Variants in EGFLAM observed in about 807,000 individuals in gnomAD.
EGFLAM encodes pikachurin.
EGFLAM carries 79 observed loss-of-function variants against 113.1 expected under a neutral mutation model. That is an observed-to-expected ratio of 0.70 (90% CI 0.58 to 0.84). The LOEUF is 0.84. EGFLAM is among the 40% of genes least tolerant of loss of function. The probability of loss-of-function intolerance (pLI) is 0.00; values close to 1 mark genes in which losing one functional copy is unlikely to be tolerated. For missense variants in EGFLAM, 1,265 were observed against 1,291.6 expected, an observed-to-expected ratio of 0.98 and a Z score of 0.32; for synonymous variants, 504 against 487.6, an observed-to-expected ratio of 1.03 and a Z score of -0.44.
intron 16 of EGFLAM, among the ~76,000 whole-genome samples, chr5:38,437,236 G>A (rs994388396): frequency 2.3e-4 from 35 of 152,194 alleles, no homozygotes; most frequent in Middle Eastern, 3.2e-3. Flanking sequence ...AATGCGACCT[G>A]TGTTTCACTT....
chr5:38,332,355 G>C (rs1180710663), intron 1 of EGFLAM, among the ~76,000 whole-genome samples: 1 of 152,092 alleles, frequency 6.6e-6, no homozygotes, highest in Non-Finnish European at 1.5e-5. Flanking sequence ...TGCCATGGGA[G>C]TTTGTTGTAC....
intron 1 of EGFLAM, among the ~76,000 whole-genome samples, chr5:38,260,589 A>G (rs1250319157): frequency 1.3e-5 from 2 of 152,214 alleles, no homozygotes; most frequent in Non-Finnish European, 1.5e-5. Flanking sequence ...GGGTTTTGAT[A>G]GTGGAAACAC....
intron 12 of EGFLAM, among the ~76,000 whole-genome samples, chr5:38,423,047 C>G (rs1741885656): frequency 1.3e-5 from 2 of 152,248 alleles, no homozygotes; most frequent in African/African-American, 4.8e-5. Flanking sequence ...TGGGTATTTC[C>G]ACAGTCACCT....
At chr5:38,335,685 G>C (rs57152394) in intron 1 of EGFLAM, among the ~76,000 whole-genome samples, 5 of 152,300 alleles carry the variant, frequency 3.3e-5, no homozygotes, top group African/African-American at 9.6e-5. Flanking sequence ...ACAATCGTAG[G>C]TGTATATGGG....
intron 12 of EGFLAM, among the ~76,000 whole-genome samples, chr5:38,420,405 C>CAG (rs1741785181): frequency 6.6e-6 from 1 of 152,166 alleles, no homozygotes; most frequent in Admixed American, 6.6e-5. Context: ...TGTGATGATT[C>CAG]AGAACATAAG....
intron 14 of EGFLAM, among the ~76,000 whole-genome samples, chr5:38,430,901 G>A (rs1054093522): frequency 1.3e-5 from 2 of 152,186 alleles, no homozygotes; most frequent in Non-Finnish European, 1.5e-5. Flanking sequence ...GAGCACTGAT[G>A]TTCAAGGCTA....
chr5:38,275,055 G>A (rs1490272797), intron 1 of EGFLAM, among the ~76,000 whole-genome samples: 2 of 152,002 alleles, frequency 1.3e-5, no homozygotes, highest in Non-Finnish European at 2.9e-5. Context: ...TTTTCTGTAA[G>A]ACTCGTGGTA....
intron 6 of EGFLAM, among the ~76,000 whole-genome samples, chr5:38,404,829 ATGCAGG>A (rs1741228774): frequency 6.6e-6 from 1 of 152,142 alleles, no homozygotes; most frequent in Non-Finnish European, 1.5e-5. Flanking sequence ...CTGTGAGGAC[ATGCAGG>A]TGCCCTGGAG....
intron 17 of EGFLAM, among the ~76,000 whole-genome samples, chr5:38,442,722 A>G (rs1403914942): frequency 6.6e-6 from 1 of 152,032 alleles, no homozygotes; most frequent in Non-Finnish European, 1.5e-5. Flanking sequence ...TAATAGCACA[A>G]TTCTAAGATG....
chr5:38,355,962 G>C (rs981335042), intron 5 of EGFLAM, among the ~76,000 whole-genome samples: 10 of 152,098 alleles, frequency 6.6e-5, no homozygotes, highest in Non-Finnish European at 1.2e-4. Context: ...GTTTCACCGT[G>C]TTGGTCAGGC....
At chr5:38,371,607 C>A in intron 6 of EGFLAM, among the ~76,000 whole-genome samples, 1 of 151,714 alleles carries the variant, frequency 6.6e-6, no homozygotes, top group Non-Finnish European at 1.5e-5. Flanking sequence ...AAAACACACA[C>A]ATGCGCACAC....
chr5:38,366,236 A>G (rs539370039), intron 5 of EGFLAM, among the ~76,000 whole-genome samples: 73 of 152,280 alleles, frequency 4.8e-4, no homozygotes, highest in Middle Eastern at 3.4e-3. Context: ...TCTTCCTAGG[A>G]TATGGATTCT....
chr5:38,284,385 T>C (rs1758100704), intron 1 of EGFLAM, among the ~76,000 whole-genome samples: 1 of 152,242 alleles, frequency 6.6e-6, no homozygotes, highest in Non-Finnish European at 1.5e-5. Context: ...GGGGTCTTTC[T>C]TGCAACTACT....
intron 1 of EGFLAM, among the ~76,000 whole-genome samples, chr5:38,292,442 G>A (rs116034910): frequency 0.01 from 1,589 of 152,194 alleles, 16 homozygotes; most frequent in Non-Finnish European, 0.015. Context: ...GCCCAGTGGC[G>A]GTCTCTTGCA....
intron 6 of EGFLAM, among the ~76,000 whole-genome samples, chr5:38,379,464 G>A (rs893298741): frequency 5.9e-5 from 9 of 151,366 alleles, no homozygotes; most frequent in African/African-American, 1.5e-4. Flanking sequence ...TCGGTGTGGC[G>A]TTAACCCCCA....
At chr5:38,336,693 G>A (rs1415877974) in intron 1 of EGFLAM, among the ~76,000 whole-genome samples, 2 of 151,086 alleles carry the variant, frequency 1.3e-5, no homozygotes, top group African/African-American at 2.4e-5. Context: ...CCAATATGAC[G>A]CTCAAGGGAA....
chr5:38,288,753 C>T (rs766548098), intron 1 of EGFLAM, among the ~76,000 whole-genome samples: 30 of 152,128 alleles, frequency 2.0e-4, no homozygotes, highest in Admixed American at 6.5e-5. Flanking sequence ...TTTTCTTTAA[C>T]AAGTTACATA....
At chr5:38,267,636 C>T (rs768654297) in intron 1 of EGFLAM, among the ~76,000 whole-genome samples, 2 of 152,162 alleles carry the variant, frequency 1.3e-5, no homozygotes, top group East Asian at 1.9e-4. Context: ...GCTTAGTTAA[C>T]ACTTGAAGTA....
intron 1 of EGFLAM, among the ~76,000 whole-genome samples, chr5:38,315,812 A>C (rs1738578558): frequency 6.6e-6 from 1 of 152,186 alleles, no homozygotes; most frequent in South Asian, 2.1e-4. Context: ...ATGGTGGCTC[A>C]TGTCTGTAAT....
Sources: gnomAD v4.1 joint callset for allele counts (sites outside exome capture counted in the v4.1 genomes callset) on GRCh38, gnomAD v4.1.1 for gene constraint, MANE v1.5 for transcripts, NCBI Gene and HGNC (gene_info 2026-07-23, HGNC 2026-07-21) for gene names.